BRINP1: variants seen among roughly 807,000 people sequenced by gnomAD.
The protein encoded by BRINP1 is BMP/retinoic acid-inducible neural-specific protein 1.
A neutral mutation model predicts 72.9 loss-of-function variants in BRINP1; 17 were observed. The ratio of observed to expected loss-of-function variants is 0.23; its 90% CI spans 0.16 to 0.35. BRINP1 has a LOEUF of 0.35. Ranked by LOEUF, BRINP1 falls within the 10% of genes least tolerant of loss-of-function variation. The pLI is 1.00. For missense variants in BRINP1, 850 were observed against 1,001.6 expected (o/e 0.85, Z 2.04); for synonymous variants, 418 against 378.5 (o/e 1.10, Z -1.21).
chr9:119,267,713 T>C (rs201964747), intron 2 of BRINP1, among the ~76,000 whole-genome samples: 1 of 152,176 alleles, frequency 6.6e-6, no homozygotes, highest in East Asian at 1.9e-4. Context: ...GTCTGGAGTT[T>C]AGAGGATTTG....
At chr9:119,282,812 AG>A in intron 2 of BRINP1, 1 of 985,356 alleles carries the variant, frequency 1.0e-6, no homozygotes, top group Non-Finnish European at 1.2e-6. Context: ...AGTGAAACCA[AG>A]GGGAGAGTAA....
At chr9:119,307,265 A>T (rs1831007832) in intron 2 of BRINP1, among the ~76,000 whole-genome samples, 2 of 152,040 alleles carry the variant, frequency 1.3e-5, no homozygotes, top group Non-Finnish European at 2.9e-5. Context: ...AATTTTTTTT[A>T]GCTCCTGTCT....
chr9:119,233,650 T>C (rs1012099032), intron 5 of BRINP1, among the ~76,000 whole-genome samples: 5 of 152,192 alleles, frequency 3.3e-5, no homozygotes, highest in Admixed American at 6.5e-5. Flanking sequence ...ATACGTATTG[T>C]ATACACAGAA....
chr9:119,344,227 G>T (rs1331776330), intron 1 of BRINP1, among the ~76,000 whole-genome samples: 1 of 152,158 alleles, frequency 6.6e-6, no homozygotes, highest in Non-Finnish European at 1.5e-5. Flanking sequence ...AAGGCAGCAG[G>T]GAGAATTATT....
intron 2 of BRINP1, among the ~76,000 whole-genome samples, chr9:119,250,144 AGGAG>A (rs1300367549): frequency 9.3e-6 from 1 of 107,680 alleles, no homozygotes; most frequent in South Asian, 3.5e-4. Flanking sequence ...GAGGGAGGGA[AGGAG>A]GGAGGGAGGG....
intron 3 of BRINP1, among the ~76,000 whole-genome samples, chr9:119,248,215 GA>G (rs1830343181): frequency 6.6e-6 from 1 of 152,200 alleles, no homozygotes; most frequent in Non-Finnish European, 1.5e-5. Context: ...GCGACTTTGT[GA>G]GTATGTGGCA....
chr9:119,283,837 C>T (rs1830735364), intron 2 of BRINP1, among the ~76,000 whole-genome samples: 1 of 152,138 alleles, frequency 6.6e-6, no homozygotes, highest in Admixed American at 6.5e-5. Flanking sequence ...CTGGCCTCCT[C>T]TCAGATCTCT....
chr9:119,324,872 G>C (rs2119006741), intron 1 of BRINP1, among the ~76,000 whole-genome samples: 1 of 152,188 alleles, frequency 6.6e-6, no homozygotes, highest in Admixed American at 6.5e-5. Context: ...GACCGAGGTG[G>C]GCAGATCACC....
chr9:119,173,289 G>C, intron 7 of BRINP1, among the ~76,000 whole-genome samples: 1 of 149,906 alleles, frequency 6.7e-6, no homozygotes, highest in African/African-American at 2.5e-5. Context: ...CAAAGTCTCA[G>C]GATACAAAAT....
chr9:119,230,211 T>TA (rs1321807287), intron 5 of BRINP1, among the ~76,000 whole-genome samples: 1 of 152,196 alleles, frequency 6.6e-6, no homozygotes, highest in African/African-American at 2.4e-5. Flanking sequence ...GGATATGGTA[T>TA]ATGTTGGGTG....
chr9:119,349,288 G>C (rs1242180683), intron 1 of BRINP1, among the ~76,000 whole-genome samples: 1 of 152,092 alleles, frequency 6.6e-6, no homozygotes, highest in Non-Finnish European at 1.5e-5. Flanking sequence ...AATTGCACTG[G>C]CTGCTTATAT....
chr9:119,222,741 C>A (rs1830052373), intron 5 of BRINP1, among the ~76,000 whole-genome samples: 1 of 151,690 alleles, frequency 6.6e-6, no homozygotes, highest in Non-Finnish European at 1.5e-5. Context: ...AGGGGTTGGG[C>A]CAGAGGGACT....
chr9:119,244,013 C>T (rs1473410186), intron 3 of BRINP1, among the ~76,000 whole-genome samples: 2 of 152,190 alleles, frequency 1.3e-5, no homozygotes, highest in Admixed American at 6.5e-5. Flanking sequence ...TTTGCTCTAC[C>T]CTGTACAAAT....
At position 119,365,284 on chromosome 9, in the gene BRINP1, G is replaced by T. The variant is rs80011452; in HGVS notation, c.-51+3772C>A. Among the ~76,000 whole-genome samples the T allele has an allele frequency of 5.7e-3, 873 of 152,320 alleles. 23 individuals are homozygous for T. The East Asian group carries it at 0.067, about 12-fold the overall frequency. The stretch of plus-strand genomic sequence containing the variant: ...AAGTCGTGGCTGAATGTGGGAGATG[G>T]TGGAAAGAATAATAAAGATAATCTT... On this transcript the variant is annotated intron_variant, in intron 1 of 7. Transcript: ENST00000265922.
intron 2 of BRINP1, chr9:119,283,149 A>T: frequency 2.0e-6 from 2 of 984,976 alleles, no homozygotes; most frequent in South Asian, 4.7e-5. Flanking sequence ...TGTAAATGAG[A>T]TCATTTGTTC....
intron 1 of BRINP1, among the ~76,000 whole-genome samples, chr9:119,342,011 G>GC (rs1173755247): frequency 3.9e-5 from 6 of 151,982 alleles, no homozygotes; most frequent in African/African-American, 1.5e-4. Context: ...CAGGTGATCT[G>GC]CCCCCCTCGG....
chr9:119,245,956 A>G (rs1830312451), intron 3 of BRINP1, among the ~76,000 whole-genome samples: 1 of 152,232 alleles, frequency 6.6e-6, no homozygotes, highest in Admixed American at 6.5e-5. Context: ...TTGGGCCTTA[A>G]TCTGGATTCC....
intron 1 of BRINP1, among the ~76,000 whole-genome samples, chr9:119,342,854 G>GTTAA (rs1831418136): frequency 6.6e-6 from 1 of 152,198 alleles, no homozygotes; most frequent in Admixed American, 6.5e-5. Flanking sequence ...TGCTAGAGAA[G>GTTAA]TTAAGCACAG....
At chr9:119,304,169 T>A (rs150507200) in intron 2 of BRINP1, among the ~76,000 whole-genome samples, 2 of 152,254 alleles carry the variant, frequency 1.3e-5, no homozygotes, top group Non-Finnish European at 2.9e-5. Flanking sequence ...TATGAGCCAC[T>A]GCGCCCGGCT....
Sources: allele counts gnomAD v4.1 joint callset (sites outside exome capture counted in the v4.1 genomes callset), GRCh38; gene constraint gnomAD v4.1.1; transcripts MANE v1.5; gene names NCBI Gene and HGNC (gene_info 2026-07-23, HGNC 2026-07-21).